The following CFAP90 variants were observed in gnomAD, a reference collection of about 807,000 sequenced individuals.
The protein encoded by CFAP90 is cilia- and flagella-associated protein 90.
the CFAP90 span, among the ~76,000 whole-genome samples, chr5:7,841,149 A>T: frequency 6.6e-6 from 1 of 152,224 alleles, no homozygotes; most frequent in Non-Finnish European, 1.5e-5. Context: ...AAGAAAAAAA[A>T]ACCCCGTTAA....
chr5:7,849,479 C>G, the CFAP90 span, among the ~76,000 whole-genome samples: 1 of 152,182 alleles, frequency 6.6e-6, no homozygotes, highest in African/African-American at 2.4e-5. Context: ...AAGACCTGTC[C>G]CAGTTACGCC....
chr5:7,835,505 A>G, the CFAP90 span: 1 of 1,475,786 alleles, frequency 6.8e-7, no homozygotes. Flanking sequence ...CTGTCTAGGA[A>G]AAAAAAGAGA....
chr5:7,844,503 AG>A, the CFAP90 span, among the ~76,000 whole-genome samples: 4 of 152,224 alleles, frequency 2.6e-5, no homozygotes, highest in African/African-American at 4.8e-5. Context: ...GCTGTGATAA[AG>A]GTAAATCATT....
At chr5:7,830,926 T>C in the CFAP90 span, 2 of 152,238 alleles carry the variant, frequency 1.3e-5, no homozygotes, top group Non-Finnish European at 2.9e-5. Flanking sequence ...AAAAGAAGAC[T>C]GTTTAAAGTC....
the CFAP90 span, among the ~76,000 whole-genome samples, chr5:7,849,930 A>G: frequency 6.6e-6 from 1 of 151,888 alleles, no homozygotes; most frequent in South Asian, 2.1e-4. Context: ...AGCCGCGCCC[A>G]GCCCGCTGGG....
chr5:7,847,112 T>C, the CFAP90 span, among the ~76,000 whole-genome samples: 12 of 152,188 alleles, frequency 7.9e-5, no homozygotes, highest in Non-Finnish European at 1.2e-4. Flanking sequence ...AGTCTCTAGG[T>C]CAGAGAATCA....
At chr5:7,849,438 C>T in the CFAP90 span, among the ~76,000 whole-genome samples, 2 of 152,294 alleles carry the variant, frequency 1.3e-5, no homozygotes, top group East Asian at 3.9e-4. Flanking sequence ...CCTCTCTACC[C>T]ACTCAAGCCA....
At chr5:7,851,087 A>T in the CFAP90 span, 3 of 1,233,128 alleles carry the variant, frequency 2.4e-6, no homozygotes, top group South Asian at 1.2e-4. Context: ...GCCCAGTCGG[A>T]GTCTGCAGGC....
the CFAP90 span, among the ~76,000 whole-genome samples, chr5:7,836,276 TATA>T: frequency 6.6e-6 from 1 of 152,214 alleles, no homozygotes; most frequent in African/African-American, 2.4e-5. Context: ...TCAAATTCTC[TATA>T]ATAAGCCTGA....
At chr5:7,847,894 C>A in the CFAP90 span, among the ~76,000 whole-genome samples, 15 of 152,312 alleles carry the variant, frequency 9.8e-5, no homozygotes, top group African/African-American at 3.6e-4. Flanking sequence ...TTTCCTGGTG[C>A]CCCCATCTTA....
At chr5:7,832,223 T>G in the CFAP90 span, among the ~76,000 whole-genome samples, 2 of 152,186 alleles carry the variant, frequency 1.3e-5, no homozygotes, top group Non-Finnish European at 2.9e-5. Flanking sequence ...TTGAATTTGC[T>G]AGAAGGCTGG....
chr5:7,841,305 T>C, the CFAP90 span, among the ~76,000 whole-genome samples: 2 of 152,084 alleles, frequency 1.3e-5, no homozygotes, highest in Non-Finnish European at 2.9e-5. Flanking sequence ...TCAGAATGGA[T>C]ATTGAAAAGT....
the CFAP90 span, chr5:7,832,130 G>A: frequency 1.7e-6 from 2 of 1,209,492 alleles, no homozygotes; most frequent in Non-Finnish European, 2.3e-6. Flanking sequence ...TTTTCTGCCT[G>A]GGTCCCACCA....
chr5:7,847,789 T>G, the CFAP90 span, among the ~76,000 whole-genome samples: 4 of 152,206 alleles, frequency 2.6e-5, no homozygotes, highest in African/African-American at 9.7e-5. Flanking sequence ...TTAATTAGAC[T>G]GGTAAATGCA....
At chr5:7,850,945 G>T in the CFAP90 span, 2 of 1,345,576 alleles carry the variant, frequency 1.5e-6, no homozygotes, top group Non-Finnish European at 1.9e-6. Context: ...GCTGAAGGCG[G>T]ACTGCGCCGA....
the CFAP90 span, among the ~76,000 whole-genome samples, chr5:7,832,501 CT>C: frequency 6.6e-6 from 1 of 151,952 alleles, no homozygotes; most frequent in African/African-American, 2.4e-5. Flanking sequence ...CTCATCATTT[CT>C]TTTTTTTCTT....
chr5:7,831,694 G>A, the CFAP90 span: 47 of 665,670 alleles, frequency 7.1e-5, no homozygotes, highest in African/African-American at 2.9e-4. Context: ...GGCTGCTAAC[G>A]TGTTCATGTG....
chr5:7,843,060 A>G, the CFAP90 span, among the ~76,000 whole-genome samples: 5 of 152,176 alleles, frequency 3.3e-5, no homozygotes, highest in Non-Finnish European at 7.3e-5. Context: ...AAGCCACAGC[A>G]CTATGACCTC....
At chr5:7,831,804 C>T in the CFAP90 span, 12 of 1,563,546 alleles carry the variant, frequency 7.7e-6, no homozygotes, top group Non-Finnish European at 1.0e-5. Context: ...TGCAAACTTG[C>T]CAGGCCACAG....
Sources: allele counts gnomAD v4.1 joint callset (sites outside exome capture counted in the v4.1 genomes callset), GRCh38; gene constraint gnomAD v4.1.1; transcripts MANE v1.5; gene names NCBI Gene and HGNC (gene_info 2026-07-23, HGNC 2026-07-21).